Variants in USH2A observed in about 807,000 individuals in gnomAD.
The protein encoded by USH2A is Usher syndrome 2A (autosomal recessive, mild).
In USH2A, 443 loss-of-function variants were observed where a neutral mutation model predicts 538.9. That is an observed-to-expected ratio of 0.82 (90% CI 0.76 to 0.89). The LOEUF (loss-of-function observed/expected upper bound fraction) is 0.89, where lower values mean the gene tolerates loss of function less well. Among genes scored for constraint, USH2A ranks in the 40% least tolerant of loss-of-function variants. The probability of loss-of-function intolerance (pLI) is 0.00; values close to 1 mark genes in which losing one functional copy is unlikely to be tolerated. For missense variants in USH2A, 6,633 were observed against 6,324.8 expected (o/e 1.05, Z -1.65); for synonymous variants, 2,413 against 2,273.5 (o/e 1.06, Z -1.75).
intron 44 of USH2A, among the ~76,000 whole-genome samples, chr1:215,852,397 C>A (rs1266103583): frequency 6.6e-6 from 1 of 152,182 alleles, no homozygotes; most frequent in Non-Finnish European, 1.5e-5. Flanking sequence ...CCTCCCATAA[C>A]ACATGGGAAT....
intron 47 of USH2A, among the ~76,000 whole-genome samples, chr1:215,820,022 T>C (rs1482723806): frequency 6.6e-6 from 1 of 151,706 alleles, no homozygotes; most frequent in African/African-American, 2.4e-5. Context: ...GGAACATTCT[T>C]CAATCCCAGG....
chr1:215,629,923 C>A, intron 70 of USH2A: 1 of 324,686 alleles, frequency 3.1e-6, no homozygotes, highest in Non-Finnish European at 6.0e-6. Context: ...CTACAGGCGC[C>A]CGCCACCATG....
intron 21 of USH2A, among the ~76,000 whole-genome samples, chr1:216,130,926 C>A (rs146274743): frequency 5.9e-4 from 90 of 151,950 alleles, no homozygotes; most frequent in Non-Finnish European, 1.1e-3. Context: ...TTCTCACTAG[C>A]GGTGAAGAAA....
At chr1:215,626,012 C>G (rs1656011664) in intron 71 of USH2A, 142 bp from the exon 72 acceptor site, 5 of 768,808 alleles carry the variant, frequency 6.5e-6, no homozygotes, top group Non-Finnish European at 1.1e-5. Context: ...GGGTCTAAAA[C>G]AGACCTTGCC....
At chr1:216,369,135 T>C (rs992876190) in intron 3 of USH2A, among the ~76,000 whole-genome samples, 4 of 152,106 alleles carry the variant, frequency 2.6e-5, no homozygotes, top group African/African-American at 9.7e-5. Flanking sequence ...CTTTCTGAAA[T>C]AGAAATTGCC....
chr1:215,914,694 G>C (rs915276770), intron 38 of USH2A, among the ~76,000 whole-genome samples: 2 of 152,116 alleles, frequency 1.3e-5, no homozygotes, highest in African/African-American at 2.4e-5. Context: ...CATGCAGTAA[G>C]TGCAGTTATG....
chr1:215,782,365 G>T (rs1661667944), intron 53 of USH2A, among the ~76,000 whole-genome samples, 169 bp from the exon 54 acceptor site: 1 of 149,392 alleles, frequency 6.7e-6, no homozygotes, highest in African/African-American at 2.5e-5. Context: ...CTATTATGGA[G>T]GAGATGGATT....
chr1:216,240,521 TAAA>T (rs1376457504), intron 13 of USH2A, among the ~76,000 whole-genome samples: 6 of 133,444 alleles, frequency 4.5e-5, no homozygotes, highest in African/African-American at 2.7e-5. Flanking sequence ...TCCAGGTCGT[TAAA>T]AAAAAAAAAA....
intron 4 of USH2A, among the ~76,000 whole-genome samples, chr1:216,360,260 A>G (rs1011485583): frequency 3.3e-5 from 5 of 152,144 alleles, no homozygotes; most frequent in African/African-American, 1.2e-4. Flanking sequence ...CATGAAAGAC[A>G]TGGAGAAATC....
chr1:215,934,754 A>G lies in USH2A; in HGVS notation c.7162T>C (p.Tyr2388His). ...CAAAGGTTTGTCTCTTCTCCGCTGT[A>G]CATGACTTTTGTGACATTCAGAAGG... ...YTLLNVTKVMYSGEETNLWVL... is the reference protein window; with the variant it reads ...YTLLNVTKVMHSGEETNLWVL... The change falls in exon 38 of 72, where the codon TAC (tyrosine) becomes CAC (histidine). Residue 2388 changes from tyrosine (Y) to histidine (H), a missense_variant. By Grantham distance (83) the Tyr-to-His change is moderately conservative (BLOSUM62 2). Coordinates refer to ENST00000307340, the MANE Select transcript of USH2A (RefSeq NM_206933.4). 1 of 1,612,732 alleles carries G rather than the reference A, an allele frequency of 6.2e-7. No individual in the cohort carries two copies. The highest frequency in any genetic ancestry group is 8.5e-7 in the Non-Finnish European group (1 of 1,179,032).
At chr1:215,940,601 A>G (rs1666608639) in intron 37 of USH2A, among the ~76,000 whole-genome samples, 1 of 152,090 alleles carries the variant, frequency 6.6e-6, no homozygotes, top group Non-Finnish European at 1.5e-5. Flanking sequence ...GTTTTTGACA[A>G]TGTATAAAAT....
intron 22 of USH2A, among the ~76,000 whole-genome samples, chr1:216,094,684 T>A (rs1357818900): frequency 6.6e-6 from 1 of 152,180 alleles, no homozygotes; most frequent in African/African-American, 2.4e-5. Context: ...TCCAACCTGG[T>A]GCAGAGATGG....
intron 38 of USH2A, among the ~76,000 whole-genome samples, chr1:215,913,132 T>G (rs1440485372): frequency 6.6e-6 from 1 of 152,140 alleles, no homozygotes; most frequent in Non-Finnish European, 1.5e-5. Context: ...TTATATTCCC[T>G]GAAAAACTGA....
intron 10 of USH2A, among the ~76,000 whole-genome samples, chr1:216,291,760 C>G (rs997423593): frequency 1.9e-4 from 29 of 152,212 alleles, no homozygotes; most frequent in African/African-American, 7.0e-4. Flanking sequence ...GTGTCCATGC[C>G]AAATCTGAAT....
rs2034504328 is a variant in USH2A, at chr1:216,182,060, G to A, written c.4397-6578C>T. Among the ~76,000 whole-genome samples the A allele has an allele frequency of 4.6e-5, 7 of 151,992 alleles. No individual in the cohort carries two copies. In the South Asian group the frequency reaches 1.5e-3, roughly 32 times the overall value. ...AAGACCTATTTTAATAGGATACTTA[G>A]GCTTTAAATTAAAAGGAGGGGGCAC... On this transcript the variant is annotated intron_variant, in intron 20 of 71. Transcript: ENST00000307340.
At chr1:215,775,762 G>A (rs1322023003) in intron 55 of USH2A, among the ~76,000 whole-genome samples, 2 of 152,152 alleles carry the variant, frequency 1.3e-5, no homozygotes, top group African/African-American at 4.8e-5. Context: ...TATAACATTA[G>A]TATTACATTT....
intron 35 of USH2A, among the ~76,000 whole-genome samples, chr1:215,991,342 G>A (rs532500244): frequency 6.6e-6 from 1 of 152,146 alleles, no homozygotes; most frequent in South Asian, 2.1e-4. Flanking sequence ...TTGAGGAGAG[G>A]TGTGGGGACT....
chr1:216,245,974 A>G (rs1043741801), intron 13 of USH2A, among the ~76,000 whole-genome samples: 1 of 152,212 alleles, frequency 6.6e-6, no homozygotes, highest in Non-Finnish European at 1.5e-5. Flanking sequence ...AAGAAGGTAT[A>G]GTATTTTAGT....
chr1:216,300,454 G>A (rs563819489), intron 9 of USH2A, among the ~76,000 whole-genome samples: 3 of 152,236 alleles, frequency 2.0e-5, no homozygotes, highest in East Asian at 3.9e-4. Flanking sequence ...CTTTCATTTT[G>A]ATAGCTTCTT....
Sources: gnomAD v4.1 joint callset for allele counts (sites outside exome capture counted in the v4.1 genomes callset) on GRCh38, gnomAD v4.1.1 for gene constraint, MANE v1.5 for transcripts, NCBI Gene and HGNC (gene_info 2026-07-23, HGNC 2026-07-21) for gene names.